Variants in AGBL4 observed in about 807,000 individuals in gnomAD.
AGBL4 encodes the protein AGBL carboxypeptidase 4.
A neutral mutation model predicts 66.4 loss-of-function variants in AGBL4; 58 were observed. That is an observed-to-expected ratio of 0.87 (90% confidence interval 0.71 to 1.09). AGBL4 has a LOEUF of 1.09. AGBL4 is among the 50% of genes least tolerant of loss of function. AGBL4 has a pLI of 0.00. For missense variants in AGBL4, 579 were observed against 631.0 expected (o/e 0.92, Z 0.88); for synonymous variants, 234 against 222.9 (o/e 1.05, Z -0.44).
At chr1:49,333,480 C>T (rs1394858421) in intron 3 of AGBL4, among the ~76,000 whole-genome samples, 1 of 152,008 alleles carries the variant, frequency 6.6e-6, no homozygotes, top group Non-Finnish European at 1.5e-5. Context: ...CTGTCTCAAA[C>T]ACCCCCCAAA....
At chr1:49,515,018 A>G (rs898846994) in intron 3 of AGBL4, among the ~76,000 whole-genome samples, 3 of 152,146 alleles carry the variant, frequency 2.0e-5, no homozygotes, top group Non-Finnish European at 4.4e-5. Context: ...AATGGCAACA[A>G]AAGACAAAAT....
chr1:48,572,071 A>C (rs1164529455), intron 11 of AGBL4, among the ~76,000 whole-genome samples: 1 of 152,162 alleles, frequency 6.6e-6, no homozygotes, highest in African/African-American at 2.4e-5. Flanking sequence ...GGAATGGGGA[A>C]AGTGAAGGAG....
intron 1 of AGBL4, among the ~76,000 whole-genome samples, chr1:49,988,339 T>C (rs905989099): frequency 6.6e-6 from 1 of 152,142 alleles, no homozygotes; most frequent in African/African-American, 2.4e-5. Context: ...CAATTTCATT[T>C]TGTTTGTCAG....
At chr1:49,004,509 A>C (rs1272329981) in intron 5 of AGBL4, among the ~76,000 whole-genome samples, 2 of 152,348 alleles carry the variant, frequency 1.3e-5, no homozygotes. Context: ...TATTATTCCA[A>C]AAACTTCTAG....
intron 1 of AGBL4, among the ~76,000 whole-genome samples, chr1:49,910,449 G>A (rs945706656): frequency 9.2e-5 from 14 of 152,198 alleles, no homozygotes; most frequent in African/African-American, 3.1e-4. Context: ...AGAGAAAGGA[G>A]GACAAGTGGT....
At chr1:49,961,247 G>A (rs574859765) in intron 1 of AGBL4, among the ~76,000 whole-genome samples, 2 of 152,198 alleles carry the variant, frequency 1.3e-5, no homozygotes, top group South Asian at 4.2e-4. Context: ...GGTGGCTCAT[G>A]CTTGTATTCC....
chr1:49,062,884 A>G (rs1192954055), intron 4 of AGBL4, among the ~76,000 whole-genome samples: 1 of 152,178 alleles, frequency 6.6e-6, no homozygotes. Context: ...CTTCCTTTCT[A>G]CACTATTGAT....
intron 5 of AGBL4, among the ~76,000 whole-genome samples, chr1:48,950,179 C>T (rs1349055441): frequency 6.6e-6 from 1 of 150,832 alleles, no homozygotes; most frequent in Non-Finnish European, 1.5e-5. Context: ...TCACTGCAAC[C>T]TCCGCCTCCC....
chr1:49,671,115 A>G (rs1646466669), intron 3 of AGBL4, among the ~76,000 whole-genome samples: 1 of 152,196 alleles, frequency 6.6e-6, no homozygotes, highest in African/African-American at 2.4e-5. Flanking sequence ...CCAAAAAAGC[A>G]TGGTACTGGT....
intron 6 of AGBL4, among the ~76,000 whole-genome samples, chr1:48,688,359 G>A (rs1027977707): frequency 7.9e-5 from 12 of 152,152 alleles, no homozygotes; most frequent in Non-Finnish European, 5.9e-5. Context: ...CCTCCTTCCT[G>A]CTTCCTCATC....
chr1:49,827,488 C>A (rs773512719), intron 2 of AGBL4, among the ~76,000 whole-genome samples: 14 of 152,074 alleles, frequency 9.2e-5, no homozygotes, highest in Non-Finnish European at 1.9e-4. Context: ...AATATCAATA[C>A]ACATCTAGAT....
chr1:49,691,910 C>T (rs1646895333), intron 3 of AGBL4, among the ~76,000 whole-genome samples: 1 of 152,148 alleles, frequency 6.6e-6, no homozygotes, highest in Non-Finnish European at 1.5e-5. Context: ...CTCAGACTGG[C>T]TTTCCTTGCT....
intron 3 of AGBL4, among the ~76,000 whole-genome samples, chr1:49,349,232 G>T (rs1368859249): frequency 6.6e-6 from 1 of 152,142 alleles, no homozygotes; most frequent in African/African-American, 2.4e-5. Context: ...AGAACTATGG[G>T]GCATAGAAGT....
intron 5 of AGBL4, among the ~76,000 whole-genome samples, chr1:48,937,188 G>A (rs949139997): frequency 4.6e-5 from 7 of 152,188 alleles, no homozygotes; most frequent in African/African-American, 1.7e-4. Flanking sequence ...GAAAGTATAA[G>A]CCCATTGTGC....
At chr1:48,740,052 T>C (rs1649668712) in intron 6 of AGBL4, among the ~76,000 whole-genome samples, 1 of 152,238 alleles carries the variant, frequency 6.6e-6, no homozygotes, top group African/African-American at 2.4e-5. Context: ...TTGATGGGCA[T>C]ATTTAATGTC....
chr1:49,699,662 G>A (rs10788915), intron 2 of AGBL4, among the ~76,000 whole-genome samples: 3 of 151,650 alleles, frequency 2.0e-5, no homozygotes, highest in Non-Finnish European at 4.4e-5. Context: ...TGCATGACTT[G>A]ACTTATATGT....
chr1:49,936,180 C>T (rs963702321), intron 1 of AGBL4, among the ~76,000 whole-genome samples: 7 of 151,992 alleles, frequency 4.6e-5, no homozygotes, highest in African/African-American at 1.5e-4. Context: ...TCGAGAACTA[C>T]GTGAAGAATG....
chr1:48,914,306 A>G (rs566654270), intron 5 of AGBL4, among the ~76,000 whole-genome samples: 2 of 152,320 alleles, frequency 1.3e-5, no homozygotes, highest in Admixed American at 6.5e-5. Context: ...CCAGATGAAG[A>G]GGATGGTCAG....
At chr1:49,686,715 A>C (rs1032758387) in intron 3 of AGBL4, among the ~76,000 whole-genome samples, 3 of 152,200 alleles carry the variant, frequency 2.0e-5, no homozygotes, top group African/African-American at 7.2e-5. Flanking sequence ...ATAAGTATTT[A>C]TTGAATATAA....
Sources: gnomAD v4.1 joint callset for allele counts (sites outside exome capture counted in the v4.1 genomes callset) on GRCh38, gnomAD v4.1.1 for gene constraint, MANE v1.5 for transcripts, NCBI Gene and HGNC (gene_info 2026-07-23, HGNC 2026-07-21) for gene names.